SOX6: variants seen among roughly 807,000 people sequenced by gnomAD.
The protein encoded by SOX6 is transcription factor SOX-6.
In SOX6, 11 loss-of-function variants were observed where a neutral mutation model predicts 97.8. The observed-to-expected ratio is 0.11, with a 90% CI of 0.07 to 0.19. The LOEUF (loss-of-function observed/expected upper bound fraction) is 0.19. SOX6 is among the 10% of genes least tolerant of loss of function. The probability of loss-of-function intolerance (pLI) is 1.00; values close to 1 mark genes in which losing one functional copy is unlikely to be tolerated. For missense variants in SOX6, 810 were observed against 1,039.5 expected, an observed-to-expected ratio of 0.78 and a Z score of 3.04; for synonymous variants, 360 against 371.4, an observed-to-expected ratio of 0.97 and a Z score of 0.35.
At chr11:16,292,237 G>A (rs1368126703) in intron 3 of SOX6, among the ~76,000 whole-genome samples, 1 of 152,026 alleles carries the variant, frequency 6.6e-6, no homozygotes, top group Admixed American at 6.6e-5. Flanking sequence ...TATGTTTTAG[G>A]ACATCAAAAG....
In SOX6 at chr11:16,610,208, C is replaced by T. The variant is rs1848380189; in HGVS notation, n.609+1873G>A. Among the ~76,000 whole-genome samples the T allele has an allele frequency of 6.6e-6, 1 of 152,190 alleles. No homozygotes were observed. The highest frequency in any genetic ancestry group is 2.4e-5 in the African/African-American group (1 of 41,446). ...AAACCTCTCCAAAGCCTAAAGAGGT[C>T]ATCATTGAAGGACCTGTCCTAAATG... is the stretch of plus-strand genomic sequence containing the variant. On this transcript the variant is annotated intron_variant and non_coding_transcript_variant, in intron 4 of 5. Transcript: ENST00000524520. This position sits in a 1 kb window ranked among gnomAD's most constrained non-coding sequence, Gnocchi z 4.4.
intron 3 of SOX6, among the ~76,000 whole-genome samples, chr11:16,648,620 G>A (rs1849048441): frequency 1.3e-5 from 2 of 152,294 alleles, no homozygotes; most frequent in South Asian, 4.1e-4. Flanking sequence ...ATCCCAGGAA[G>A]AAGATAATAC....
At chr11:16,534,350 T>C (rs1293611340) in intron 4 of SOX6, among the ~76,000 whole-genome samples, 2 of 152,160 alleles carry the variant, frequency 1.3e-5, no homozygotes, top group South Asian at 4.1e-4. Flanking sequence ...ATTTTTTTAA[T>C]AGTTTTAAAA....
At chr11:16,163,027 T>TA (rs1001292396) in intron 6 of SOX6, among the ~76,000 whole-genome samples, 2 of 128,062 alleles carry the variant, frequency 1.6e-5, no homozygotes, top group African/African-American at 5.9e-5. Flanking sequence ...GACAAGATAA[T>TA]AAAAAAGAAT....
chr11:16,092,404 G>C (rs1848711195), intron 9 of SOX6, among the ~76,000 whole-genome samples: 1 of 151,990 alleles, frequency 6.6e-6, no homozygotes, highest in African/African-American at 2.4e-5. Flanking sequence ...CCAACATTAA[G>C]ACTGGCAGTG....
At chr11:16,252,975 G>A (rs992556055) in intron 3 of SOX6, among the ~76,000 whole-genome samples, 12 of 152,066 alleles carry the variant, frequency 7.9e-5, no homozygotes, top group African/African-American at 2.7e-4. Flanking sequence ...TATTTATTAC[G>A]GTTCCTTTTA....
chr11:16,623,594 T>A (rs1848578893), intron 3 of SOX6, among the ~76,000 whole-genome samples: 1 of 152,234 alleles, frequency 6.6e-6, no homozygotes, highest in African/African-American at 2.4e-5. Context: ...TCTTTGTTTT[T>A]GTCGCATTTG....
At chr11:16,186,228 T>C (rs910230823) in intron 5 of SOX6, among the ~76,000 whole-genome samples, 1 of 152,184 alleles carries the variant, frequency 6.6e-6, no homozygotes, top group Non-Finnish European at 1.5e-5. Context: ...GACCATGTGA[T>C]GTATCATCCA....
chr11:16,672,717 G>C (rs1236119810), intron 3 of SOX6, among the ~76,000 whole-genome samples: 1 of 152,106 alleles, frequency 6.6e-6, no homozygotes, highest in Admixed American at 6.6e-5. Flanking sequence ...ATTTGGGTGG[G>C]ATAACAGCCA....
At chr11:16,507,736 A>T (rs2133148812) in intron 4 of SOX6, among the ~76,000 whole-genome samples, 1 of 152,298 alleles carries the variant, frequency 6.6e-6, no homozygotes, top group Admixed American at 6.5e-5. Context: ...AATGAGACTA[A>T]AATCAACTCA....
At chr11:16,235,098 G>C (rs890957212) in intron 3 of SOX6, among the ~76,000 whole-genome samples, 2 of 151,908 alleles carry the variant, frequency 1.3e-5, no homozygotes, top group Non-Finnish European at 2.9e-5. Flanking sequence ...ATAATCAAGA[G>C]AGAAGAGCCC....
chr11:16,445,667 C>T lies in SOX6; in HGVS notation c.-5+30648G>A, dbSNP rs907907993. The stretch of plus-strand genomic sequence containing the variant: ...CATCCTATTCCACCTTGTGTGAGTA[C>T]CCTTGAGGAGGCTGGTTTTAGAATC... On this transcript the variant is annotated intron_variant, in intron 1 of 15. Coordinates refer to the SOX6 transcript ENST00000396356. Among the ~76,000 whole-genome samples the T allele has an allele frequency of 2.0e-5, 3 of 151,924 alleles. No homozygotes were observed. In the South Asian group the frequency reaches 6.2e-4, roughly 32 times the overall value.
chr11:16,486,841 C>T (rs1201130542), intron 4 of SOX6, among the ~76,000 whole-genome samples: 1 of 151,700 alleles, frequency 6.6e-6, no homozygotes, highest in Non-Finnish European at 1.5e-5. Context: ...GAGCGAGACT[C>T]CATCTCAAAA....
intron 6 of SOX6, among the ~76,000 whole-genome samples, chr11:16,140,520 G>A (rs980521265): frequency 1.3e-5 from 2 of 152,072 alleles, no homozygotes; most frequent in South Asian, 4.2e-4. Flanking sequence ...GTCAAATGGT[G>A]ATAAAATCCA....
intron 3 of SOX6, among the ~76,000 whole-genome samples, chr11:16,656,807 A>AT (rs1422285558): frequency 6.6e-6 from 1 of 152,160 alleles, no homozygotes; most frequent in Non-Finnish European, 1.5e-5. Context: ...AAATTAGTAG[A>AT]TTTTTTTAAA....
chr11:16,022,378 C>CTTCCTCCCTCA (rs1855091455), intron 12 of SOX6, among the ~76,000 whole-genome samples: 3 of 148,710 alleles, frequency 2.0e-5, no homozygotes, highest in African/African-American at 7.5e-5. Context: ...TTCCTTCCTC[C>CTTCCTCCCTCA]CTCCCTCCCT....
intron 3 of SOX6, among the ~76,000 whole-genome samples, chr11:16,686,010 T>C (rs1847966408): frequency 6.6e-6 from 1 of 152,246 alleles, no homozygotes; most frequent in African/African-American, 2.4e-5. Flanking sequence ...GGGCCCCAGC[T>C]AGAGCTGCAG....
intron 6 of SOX6, among the ~76,000 whole-genome samples, chr11:16,182,737 C>A (rs1036465357): frequency 6.6e-6 from 1 of 151,742 alleles, no homozygotes; most frequent in Non-Finnish European, 1.5e-5. Flanking sequence ...GGACAAAATG[C>A]CAATTAGGTA....
chr11:16,436,732 G>A (rs921372468), intron 1 of SOX6, among the ~76,000 whole-genome samples: 3 of 152,156 alleles, frequency 2.0e-5, no homozygotes, highest in East Asian at 1.9e-4. Flanking sequence ...AATAGATTCT[G>A]AGCAGTGAAT....
Sources: allele counts gnomAD v4.1 joint callset (sites outside exome capture counted in the v4.1 genomes callset), GRCh38; gene constraint gnomAD v4.1.1; non-coding constraint Gnocchi (gnomAD v3.1); transcripts MANE v1.5; gene names NCBI Gene and HGNC (gene_info 2026-07-23, HGNC 2026-07-21).